KIF16B: variants seen among roughly 807,000 people sequenced by gnomAD.
KIF16B encodes kinesin-like protein KIF16B.
A neutral mutation model predicts 156.3 loss-of-function variants in KIF16B; 98 were observed. The ratio of observed to expected loss-of-function variants is 0.63; its 90% CI spans 0.53 to 0.74. KIF16B has a LOEUF of 0.74. KIF16B is among the 30% of genes least tolerant of loss of function. The pLI, the probability that KIF16B is intolerant of heterozygous loss-of-function variation, is 0.00. For synonymous variants in KIF16B, 564 were observed against 583.7 expected (o/e 0.97, Z 0.49); for missense variants, 1,421 against 1,606.5 (o/e 0.88, Z 1.97).
At position 16,512,147 on chromosome 20, in the gene KIF16B, CA is replaced by C. The variant is rs1017221184; in HGVS notation, c.447-621del. On this transcript the variant is annotated intron_variant, in intron 5 of 25. Transcript: ENST00000354981. ...GGGTGACAGAGTAAGACTCCATCTC[CA>C]AAAAAAAAAAGGAAGGTACATTAAG... Among the ~76,000 whole-genome samples the C allele has an allele frequency of 6.4e-4, 89 of 138,586 alleles. 1 individual carries two copies. The highest frequency in any genetic ancestry group is 6.6e-4 in the African/African-American group (25 of 37,732). 90.9% of individuals were successfully genotyped at this position (138,586 alleles called of 152,430 possible).
At chr20:16,465,001 GACC>G (rs2067447495) in intron 12 of KIF16B, among the ~76,000 whole-genome samples, 2 of 152,150 alleles carry the variant, frequency 1.3e-5, no homozygotes, top group Non-Finnish European at 2.9e-5. Context: ...TTCTTAGAAT[GACC>G]TTTGATAAAT....
rs188419790 is a variant in KIF16B, at chr20:16,302,945, C to A, written c.3795+9390G>T. ...TTATCTACATAAACAATCACATCAT[C>A]TGTGAATAACACAGCTTTATGTCTT... On this transcript the variant is annotated intron_variant, in intron 25 of 25. Coordinates refer to ENST00000354981, the MANE Select transcript of KIF16B (RefSeq NM_024704.5). 2.3e-3 allele frequency among the ~76,000 whole-genome samples: 349 copies of A among 152,228 alleles called. 13 individuals are homozygous for A. The highest frequency in any genetic ancestry group is 0.023 in the Admixed American group (346 of 15,296).
chr20:16,572,462 TC>T (rs11087176), intron 1 of KIF16B, among the ~76,000 whole-genome samples: 78,038 of 152,084 alleles, frequency 0.51, 20,777 homozygotes, highest in African/African-American at 0.67. Context: ...TCTACCTCAT[TC>T]TTTGAAGTCA....
intron 25 of KIF16B, among the ~76,000 whole-genome samples, chr20:16,298,029 G>T (rs1371126082): frequency 6.6e-6 from 1 of 152,162 alleles, no homozygotes; most frequent in Non-Finnish European, 1.5e-5. Flanking sequence ...TCTGGATCAG[G>T]TCCAAAGTCA....
chr20:16,341,406 C>T (rs2064137530), intron 23 of KIF16B, among the ~76,000 whole-genome samples: 1 of 152,102 alleles, frequency 6.6e-6, no homozygotes, highest in Non-Finnish European at 1.5e-5. Context: ...CTTTTTGTGA[C>T]TCTTCTGGTG....
intron 12 of KIF16B, among the ~76,000 whole-genome samples, chr20:16,487,304 T>C (rs1851621367): frequency 6.6e-6 from 1 of 151,694 alleles, no homozygotes; most frequent in African/African-American, 2.4e-5. Context: ...AAAAATGTTG[T>C]CTCTCCCATG....
chr20:16,525,698 T>G (rs968371201), intron 3 of KIF16B, among the ~76,000 whole-genome samples: 3 of 152,232 alleles, frequency 2.0e-5, no homozygotes, highest in Non-Finnish European at 4.4e-5. Context: ...TGACTTGGGT[T>G]TGAAGTTTCC....
chr20:16,315,618 T>G (rs1262930226), intron 24 of KIF16B, among the ~76,000 whole-genome samples: 1 of 152,186 alleles, frequency 6.6e-6, no homozygotes, highest in African/African-American at 2.4e-5. Flanking sequence ...AACGGGACCC[T>G]GCTGAGGACC....
intron 20 of KIF16B, 41 bp from the exon 21 acceptor site, chr20:16,371,802 C>A: frequency 1.5e-6 from 2 of 1,329,828 alleles, no homozygotes; most frequent in Non-Finnish European, 2.2e-6. Context: ...ACACTTCTAA[C>A]CACACAGGAC....
intron 24 of KIF16B, among the ~76,000 whole-genome samples, chr20:16,327,708 C>G (rs962599599): frequency 6.6e-6 from 1 of 152,094 alleles, no homozygotes; most frequent in African/African-American, 2.4e-5. Context: ...AGTTATCTAC[C>G]AGTTGAAGAG....
intron 10 of KIF16B, among the ~76,000 whole-genome samples, chr20:16,501,413 T>C (rs1021292449): frequency 6.6e-6 from 1 of 152,036 alleles, no homozygotes; most frequent in African/African-American, 2.4e-5. Flanking sequence ...GTCTATTAAC[T>C]GGCACAACTA....
chr20:16,501,404 T>A (rs2068622408), intron 10 of KIF16B, among the ~76,000 whole-genome samples: 1 of 151,928 alleles, frequency 6.6e-6, no homozygotes, highest in Non-Finnish European at 1.5e-5. Flanking sequence ...CTGATGGTGG[T>A]CTATTAACTG....
intron 6 of KIF16B, 137 bp from the exon 7 acceptor site, chr20:16,508,237 G>T: frequency 3.0e-6 from 3 of 987,200 alleles, no homozygotes; most frequent in South Asian, 1.6e-5. Flanking sequence ...TCTCTAGGGT[G>T]GTGGTATGTA....
chr20:16,302,090 C>T (rs767791550), intron 25 of KIF16B, among the ~76,000 whole-genome samples: 9 of 152,208 alleles, frequency 5.9e-5, no homozygotes, highest in Non-Finnish European at 1.0e-4. Flanking sequence ...CCTTCTCATC[C>T]TCCTGACGGT....
At chr20:16,466,902 GT>G (rs2067508005) in intron 12 of KIF16B, among the ~76,000 whole-genome samples, 1 of 148,394 alleles carries the variant, frequency 6.7e-6, no homozygotes, top group African/African-American at 2.5e-5. Flanking sequence ...AACTCAGTAA[GT>G]TAAACAAACA....
intron 17 of KIF16B, 84 bp downstream of exon 17, chr20:16,404,729 T>G: frequency 9.1e-7 from 1 of 1,096,544 alleles, no homozygotes; most frequent in Non-Finnish European, 1.4e-6. Flanking sequence ...AGAAGTTTTA[T>G]TTTTACCTTG....
chr20:16,305,311 A>G (rs2063526110), intron 25 of KIF16B, among the ~76,000 whole-genome samples: 1 of 152,210 alleles, frequency 6.6e-6, no homozygotes, highest in Admixed American at 6.5e-5. Context: ...CCACTCCATA[A>G]TAGTGTCAGA....
At chr20:16,332,473 C>G (rs1302708387) in intron 24 of KIF16B, among the ~76,000 whole-genome samples, 5 of 152,212 alleles carry the variant, frequency 3.3e-5, no homozygotes, top group African/African-American at 1.2e-4. Context: ...CAAATCACCA[C>G]TCTCATAGTC....
intron 23 of KIF16B, among the ~76,000 whole-genome samples, chr20:16,345,629 G>A (rs899939229): frequency 6.6e-6 from 1 of 152,166 alleles, no homozygotes; most frequent in African/African-American, 2.4e-5. Context: ...CAATTTTAGG[G>A]TAGGTAGGTA....
Sources: gnomAD v4.1 joint callset for allele counts (sites outside exome capture counted in the v4.1 genomes callset) on GRCh38, gnomAD v4.1.1 for gene constraint, MANE v1.5 for transcripts, NCBI Gene and HGNC (gene_info 2026-07-23, HGNC 2026-07-21) for gene names.